The following PLB1 variants were observed in gnomAD, a reference collection of about 807,000 sequenced individuals.
PLB1 encodes phospholipase B1, also known as phospholipase B1, membrane-associated.
Under a neutral mutation model 227.4 loss-of-function variants are expected in PLB1, and 242 were observed. The ratio of observed to expected loss-of-function variants is 1.06; its 90% confidence interval spans 0.96 to 1.18. PLB1 has a LOEUF of 1.18. Ranked by LOEUF, PLB1 falls within the 50% of genes most tolerant of loss-of-function variation. The pLI is 0.00. For synonymous variants in PLB1, 757 were observed against 682.2 expected (o/e 1.11, Z -1.71); for missense variants, 1,858 against 1,816.3 (o/e 1.02, Z -0.42).
Position 28,643,590 on chromosome 2 carries a change from GTCGCAGC to G in PLB1, c.*530_*536del, listed in dbSNP as rs1690195012. 2 of 152,422 alleles carry G rather than the reference GTCGCAGC, an allele frequency of 1.3e-5. No homozygotes were observed. Among genetic ancestry groups the G allele is most frequent in the African/African-American group, 4.8e-5 (2 of 41,474 alleles). 9.4% of individuals were successfully genotyped at this position (152,422 alleles called of 1,614,324 possible). ...CTGAGGTGCCTCCTAGGCTGTGCAT[GTCGCAGC>G]CTGGCAGAGAGGTCAAACTCCTTCA... On this transcript the variant is annotated 3_prime_UTR_variant, in exon 58 of 58. Transcript: ENST00000327757.
At position 28,606,566 on chromosome 2, in the gene PLB1, A is replaced by G. The variant is rs763049433; in HGVS notation, c.3128A>G (p.Gln1043Arg). The G allele has an allele frequency of 1.2e-6, 2 of 1,614,114 alleles. No individual in the cohort carries two copies. The highest frequency in any genetic ancestry group is 2.2e-5 in the South Asian group (2 of 91,090). Residue 1043 changes from glutamine (Q) to arginine (R), a missense_variant and splice_region_variant, in exon 43 of 58, where the codon CAG (glutamine) becomes CGG (arginine). Transcript: ENST00000327757. Reference protein sequence around the residue: ...RAEMPITCPTQNEPFLRTPRN... With the variant: ...RAEMPITCPTRNEPFLRTPRN... ...GAGATGCCCATCACCTGTCCCACTCAGGTAGTAGGGGAGGACCTGCCTGGC... is the reference window on the plus strand; with the variant it reads ...GAGATGCCCATCACCTGTCCCACTCGGGTAGTAGGGGAGGACCTGCCTGGC...
chr2:28,550,120 G>C (rs971116601), intron 16 of PLB1, 36 bp downstream of exon 16: 2 of 1,490,086 alleles, frequency 1.3e-6, no homozygotes, highest in Non-Finnish European at 1.9e-6. Context: ...CAAACATGCA[G>C]ATGAACCAGG....
At chr2:28,634,096 C>A (rs1249207982) in intron 56 of PLB1, among the ~76,000 whole-genome samples, 9 of 152,210 alleles carry the variant, frequency 5.9e-5, no homozygotes, top group African/African-American at 2.2e-4. Flanking sequence ...AGCATGTAAA[C>A]TGGCTTTATC....
At chr2:28,546,743 A>G (rs1325009030) in intron 14 of PLB1, among the ~76,000 whole-genome samples, 1 of 152,174 alleles carries the variant, frequency 6.6e-6, no homozygotes, top group East Asian at 1.9e-4. Context: ...CATTTAGGAC[A>G]AAGTTCTCAA....
chr2:28,514,042 A>AT (rs1668566365), intron 1 of PLB1, among the ~76,000 whole-genome samples: 1 of 152,358 alleles, frequency 6.6e-6, no homozygotes, highest in East Asian at 1.9e-4. Context: ...TATTTAATTC[A>AT]TTTTTTAAAA....
intron 2 of PLB1, 87 bp from the exon 3 acceptor site, chr2:28,518,379 C>T: frequency 9.9e-7 from 1 of 1,014,582 alleles, no homozygotes; most frequent in Non-Finnish European, 1.6e-6. Flanking sequence ...AGAATGAGTA[C>T]ATGATCATTT....
chr2:28,627,937 A>G (rs1312015107), intron 51 of PLB1, among the ~76,000 whole-genome samples: 1 of 152,150 alleles, frequency 6.6e-6, no homozygotes, highest in Non-Finnish European at 1.5e-5. Flanking sequence ...ACATCTAAAA[A>G]TAGAGGCCCA....
intron 17 of PLB1, among the ~76,000 whole-genome samples, chr2:28,559,050 C>G (rs947711298): frequency 6.6e-6 from 1 of 152,144 alleles, no homozygotes; most frequent in Admixed American, 6.5e-5. Flanking sequence ...TTTTTACAGA[C>G]AGTCTCACTT....
intron 18 of PLB1, 136 bp from the exon 19 acceptor site, chr2:28,565,144 T>C (rs1238771241): frequency 1.5e-6 from 1 of 661,244 alleles, no homozygotes; most frequent in African/African-American, 1.8e-5. Context: ...GGAGACATGG[T>C]GCCATCTAGA....
chr2:28,543,632 G>T (rs781252605), intron 14 of PLB1, among the ~76,000 whole-genome samples: 13 of 152,252 alleles, frequency 8.5e-5, no homozygotes, highest in Non-Finnish European at 1.6e-4. Context: ...CACTTAGGCG[G>T]TGTTGTGCGG....
chr2:28,562,405 G>A (rs921275557), intron 17 of PLB1, among the ~76,000 whole-genome samples: 10 of 151,648 alleles, frequency 6.6e-5, no homozygotes. Flanking sequence ...AGCCAGGTGT[G>A]GTGATGTGCA....
rs1165921192 is a variant in PLB1 at position 28,565,358 on chromosome 2, G to C, written c.1280+5G>C. On this transcript the variant is annotated splice_donor_5th_base_variant and intron_variant, in intron 19 of 57. Coordinates refer to ENST00000327757, the MANE Select transcript of PLB1 (RefSeq NM_153021.5). Reference sequence around the variant, plus strand: ...GTACCGAGGCCTGTCCTGGAGGTGAGTGAGGGTGTGGCAAGGCCCCAAAGG... The same window carrying C: ...GTACCGAGGCCTGTCCTGGAGGTGACTGAGGGTGTGGCAAGGCCCCAAAGG... The C allele has an allele frequency of 6.2e-7, 1 of 1,603,208 alleles. No homozygotes were observed. Among genetic ancestry groups the C allele is most frequent in the South Asian group, 1.1e-5 (1 of 88,476 alleles).
At chr2:28,519,448 A>G (rs1260666875) in intron 3 of PLB1, among the ~76,000 whole-genome samples, 1 of 152,218 alleles carries the variant, frequency 6.6e-6, no homozygotes, top group Non-Finnish European at 1.5e-5. Flanking sequence ...GTGACCTTCC[A>G]TGGGTCACCT....
chr2:28,588,038 C>T (rs1352010703), intron 26 of PLB1, among the ~76,000 whole-genome samples: 4 of 152,124 alleles, frequency 2.6e-5, no homozygotes, highest in Non-Finnish European at 2.9e-5. Context: ...GTGTGTCAGC[C>T]GTGTGTGGCC....
intron 15 of PLB1, 41 bp from the exon 16 acceptor site, chr2:28,549,968 AC>A: frequency 6.5e-7 from 1 of 1,530,554 alleles, no homozygotes; most frequent in South Asian, 1.1e-5. Flanking sequence ...AGGGATACAG[AC>A]TTCTAGGGTC....
At chr2:28,498,189 T>A (rs1257882185) in intron 1 of PLB1, among the ~76,000 whole-genome samples, 1 of 151,730 alleles carries the variant, frequency 6.6e-6, no homozygotes, top group African/African-American at 2.4e-5. Flanking sequence ...TGGGATTGAC[T>A]TTTATGAATA....
At chr2:28,636,152 G>A (rs1689336539) in intron 56 of PLB1, among the ~76,000 whole-genome samples, 1 of 152,136 alleles carries the variant, frequency 6.6e-6, no homozygotes, top group Non-Finnish European at 1.5e-5. Context: ...TCCGTCTCCT[G>A]GATTCAAGCG....
Position 28,618,326 on chromosome 2 carries a change from G to A in PLB1, c.3257-15G>A, listed in dbSNP as rs2148323527. 6.2e-7 allele frequency: 1 copy of A among 1,613,780 alleles called. No homozygotes were observed. The highest frequency in any genetic ancestry group is 1.7e-4 in the Middle Eastern group (1 of 6,058). On this transcript the variant is annotated splice_polypyrimidine_tract_variant and intron_variant, in intron 45 of 57. Coordinates refer to ENST00000327757, the MANE Select transcript of PLB1 (RefSeq NM_153021.5). The stretch of plus-strand genomic sequence containing the variant: ...CCCCAGCCCCCACAACCACCTCTCT[G>A]CTTGTCTCCCCTAGTCCACCAGCTC...
At chr2:28,537,061 G>T (rs1671784803) in intron 9 of PLB1, among the ~76,000 whole-genome samples, 1 of 152,204 alleles carries the variant, frequency 6.6e-6, no homozygotes, top group African/African-American at 2.4e-5. Flanking sequence ...CACGGTCAGG[G>T]AGCAGCTCAC....
Sources: gnomAD v4.1 joint callset for allele counts (sites outside exome capture counted in the v4.1 genomes callset) on GRCh38, gnomAD v4.1.1 for gene constraint, MANE v1.5 for transcripts, NCBI Gene and HGNC (gene_info 2026-07-23, HGNC 2026-07-21) for gene names.